RSPO3: variants seen among roughly 807,000 people sequenced by gnomAD.
The protein encoded by RSPO3 is R-spondin 3.
Under a neutral mutation model 36.5 loss-of-function variants are expected in RSPO3, and 17 were observed. The ratio of observed to expected loss-of-function variants is 0.47; its 90% CI spans 0.32 to 0.70. The LOEUF is 0.70. Among genes scored for constraint, RSPO3 ranks in the 30% least tolerant of loss-of-function variants. The pLI is 0.04. For synonymous variants in RSPO3, 108 were observed against 107.0 expected (o/e 1.01, Z -0.06); for missense variants, 294 against 322.5 (o/e 0.91, Z 0.68).
chr6:127,160,948 T>C (rs1774698456), intron 4 of RSPO3, among the ~76,000 whole-genome samples: 1 of 152,186 alleles, frequency 6.6e-6, no homozygotes, highest in Non-Finnish European at 1.5e-5. Context: ...CTGTTTTTAT[T>C]TGATATTTTT....
chr6:127,153,986 T>A (rs540609063), intron 3 of RSPO3, among the ~76,000 whole-genome samples: 15 of 152,274 alleles, frequency 9.9e-5, no homozygotes, highest in African/African-American at 3.1e-4. Flanking sequence ...TTAAAATGGT[T>A]CAATAAAGTT....
chr6:127,131,782 C>G (rs960818800), intron 1 of RSPO3, among the ~76,000 whole-genome samples: 6 of 152,082 alleles, frequency 3.9e-5, no homozygotes, highest in African/African-American at 1.4e-4. Flanking sequence ...CAAGTCATTC[C>G]TATGTATCAA....
rs943203357 is a variant in RSPO3, at chr6:127,150,275, G to A, written c.290-151G>A. ...GTACCTCAACTAAATCACTGTGGAG[G>A]AATCGTGAATTCAGTCTGGCAAAAT... On this transcript the variant is annotated intron_variant, in intron 2 of 4. Coordinates refer to ENST00000356698, the MANE Select transcript of RSPO3 (RefSeq NM_032784.5). 20 of 634,252 alleles carry A rather than the reference G, an allele frequency of 3.2e-5. No homozygotes were observed. In the African/African-American group the frequency reaches 3.3e-4, roughly 11 times the overall value. The allele number at this position is 634,252 out of a possible 1,614,324, so 39.3% of individuals were successfully genotyped here.
intron 4 of RSPO3, among the ~76,000 whole-genome samples, chr6:127,190,228 A>T (rs1393584821): frequency 6.6e-6 from 1 of 152,148 alleles, no homozygotes; most frequent in African/African-American, 2.4e-5. Flanking sequence ...GTTCAAGACC[A>T]GCCTGACCGA....
chr6:127,175,971 A>T (rs754490057), intron 4 of RSPO3, among the ~76,000 whole-genome samples: 1 of 151,768 alleles, frequency 6.6e-6, no homozygotes, highest in Non-Finnish European at 1.5e-5. Context: ...AAAAATCACT[A>T]TTATTTTAAA....
In RSPO3 at chr6:127,155,314, A is replaced by G; in HGVS notation, c.510A>G (p.Arg170=). ...TKKGKTCGFK[R]GTETRVREII... ...AGGGAAAAACATGTGGCTTCAAAAG[A>G]GGGACTGAAACACGGGTCCGAGAAA... is the stretch of plus-strand genomic sequence containing the variant. Residue 170 remains arginine, a synonymous_variant, in exon 4 of 5, where the codon AGA becomes AGG. Transcript: ENST00000356698. 1 of 1,613,990 alleles carries G rather than the reference A, an allele frequency of 6.2e-7. No individual in the cohort carries two copies. The highest frequency in any genetic ancestry group is 8.5e-7 in the Non-Finnish European group (1 of 1,179,918).
At chr6:127,140,110 T>A (rs1400127106) in intron 1 of RSPO3, among the ~76,000 whole-genome samples, 1 of 152,112 alleles carries the variant, frequency 6.6e-6, no homozygotes, top group Non-Finnish European at 1.5e-5. Flanking sequence ...TTTAAGGAAT[T>A]AAAGAACATA....
chr6:127,188,800 T>C (rs1258104136), intron 4 of RSPO3, among the ~76,000 whole-genome samples: 2 of 152,162 alleles, frequency 1.3e-5, no homozygotes, highest in African/African-American at 4.8e-5. Context: ...TTTCAAGAGA[T>C]TAAGAAAGTA....
Position 127,194,273 on chromosome 6 carries a change from A to G in RSPO3, c.635-1550A>G, listed in dbSNP as rs147815667. ...GACATGAAAATATTTTGGTTCTCTC[A>G]TGCAGACAATTTCTCCAAAATATTT... On this transcript the variant is annotated intron_variant, in intron 4 of 4. Coordinates refer to ENST00000356698, the MANE Select transcript of RSPO3 (RefSeq NM_032784.5). Among the ~76,000 whole-genome samples the G allele has an allele frequency of 7.9e-3, 1,207 of 152,306 alleles. 19 individuals carry two copies. Among genetic ancestry groups the G allele is most frequent in the African/African-American group, 0.028 (1,155 of 41,574 alleles).
intron 4 of RSPO3, among the ~76,000 whole-genome samples, chr6:127,158,277 ATAGCT>A (rs1283356705): frequency 6.6e-6 from 1 of 152,046 alleles, no homozygotes; most frequent in Non-Finnish European, 1.5e-5. Flanking sequence ...CACACTTAGG[ATAGCT>A]ATTATTTGAG....
intron 2 of RSPO3, 76 bp from the exon 3 acceptor site, chr6:127,150,350 G>A: frequency 1.6e-5 from 23 of 1,405,698 alleles, no homozygotes; most frequent in Non-Finnish European, 2.2e-5. Flanking sequence ...GTGTGGCTGT[G>A]TCTGACACAT....
chr6:127,176,189 A>C (rs1339553293), intron 4 of RSPO3, among the ~76,000 whole-genome samples: 1 of 151,766 alleles, frequency 6.6e-6, no homozygotes, highest in Non-Finnish European at 1.5e-5. Flanking sequence ...CAATATAATA[A>C]ATATAGATTT....
At chr6:127,136,010 G>A (rs1485961245) in intron 1 of RSPO3, among the ~76,000 whole-genome samples, 2 of 151,498 alleles carry the variant, frequency 1.3e-5, no homozygotes, top group African/African-American at 4.9e-5. Context: ...TATATATGCA[G>A]CATAAACCAC....
At position 127,119,359 on chromosome 6, in the gene RSPO3, C is replaced by T. The variant is rs1040601219; in HGVS notation, c.97+70C>T. 17 of 1,139,370 alleles carry T rather than the reference C, an allele frequency of 1.5e-5. No individual in the cohort carries two copies. In the African/African-American group the frequency reaches 2.1e-4, roughly 14 times the overall value. 70.6% of individuals were successfully genotyped at this position (1,139,370 alleles called of 1,614,324 possible). A position where few individuals can be genotyped will look rare whatever the true frequency, so the allele number is the denominator to read the frequency against. On this transcript the variant is annotated intron_variant, in intron 1 of 4. Transcript: ENST00000356698. ...CACCTGTCGGGTCGCTTTGCCTGTCCGGAGCCGGCTCCCAACTGCAGCGGT... is the reference window on the plus strand; with the variant it reads ...CACCTGTCGGGTCGCTTTGCCTGTCTGGAGCCGGCTCCCAACTGCAGCGGT...
intron 1 of RSPO3, among the ~76,000 whole-genome samples, chr6:127,131,743 T>C (rs1420629396): frequency 6.6e-6 from 1 of 152,160 alleles, no homozygotes; most frequent in African/African-American, 2.4e-5. Flanking sequence ...AGCTCTTTCA[T>C]GCTGACTACT....
At chr6:127,190,320 C>T (rs575297859) in intron 4 of RSPO3, among the ~76,000 whole-genome samples, 31 of 151,954 alleles carry the variant, frequency 2.0e-4, no homozygotes, top group African/African-American at 4.1e-4. Context: ...TCCAGCTACT[C>T]GGGAGGCTGA....
intron 4 of RSPO3, among the ~76,000 whole-genome samples, chr6:127,193,145 T>G (rs925221566): frequency 2.0e-5 from 3 of 152,362 alleles, no homozygotes; most frequent in Non-Finnish European, 1.5e-5. Context: ...AGTTTCCTGT[T>G]ACTTTACTAG....
At position 127,150,726 on chromosome 6, in the gene RSPO3, G is replaced by A. The variant is rs1026835373; in HGVS notation, c.436+154G>A. Among the ~76,000 whole-genome samples the A allele has an allele frequency of 2.7e-5, 4 of 149,820 alleles. No homozygotes were observed. In the Admixed American group the frequency reaches 2.7e-4, roughly 10 times the overall value. On this transcript the variant is annotated intron_variant, in intron 3 of 4. Coordinates refer to ENST00000356698, the MANE Select transcript of RSPO3 (RefSeq NM_032784.5). ...TCTTTACAAAGATACTCTCTTAAAG[G>A]TGTTTTTCATAACCTTATCTAGTAT...
intron 1 of RSPO3, among the ~76,000 whole-genome samples, chr6:127,140,086 A>T (rs1213638181): frequency 6.6e-6 from 1 of 152,170 alleles, no homozygotes; most frequent in Non-Finnish European, 1.5e-5. Context: ...ATTAGTCCAT[A>T]GATTTTTAAT....
Sources: allele counts gnomAD v4.1 joint callset (sites outside exome capture counted in the v4.1 genomes callset), GRCh38; gene constraint gnomAD v4.1.1; transcripts MANE v1.5; gene names NCBI Gene and HGNC (gene_info 2026-07-23, HGNC 2026-07-21).